The following PAH variants were observed in gnomAD, a reference collection of about 807,000 sequenced individuals.
The protein encoded by PAH is phenylalanine-4-hydroxylase.
In PAH, 64 loss-of-function variants were observed where a neutral mutation model predicts 62.0. The ratio of observed to expected loss-of-function variants is 1.03; its 90% CI spans 0.84 to 1.27. PAH has a LOEUF of 1.27. Ranked by LOEUF, PAH falls within the 50% of genes most tolerant of loss-of-function variation. The pLI is 0.00. For synonymous variants in PAH, 195 were observed against 196.2 expected, an observed-to-expected ratio of 0.99 and a Z score of 0.05; for missense variants, 579 against 542.8, an observed-to-expected ratio of 1.07 and a Z score of -0.66.
At chr12:102,948,759 A>T (rs1345630860) in intron 1 of PAH, among the ~76,000 whole-genome samples, 1 of 152,224 alleles carries the variant, frequency 6.6e-6, no homozygotes, top group Non-Finnish European at 1.5e-5. Context: ...TATCTTTAGT[A>T]TACAAAAGGA....
At chr12:102,913,003 A>T (rs1592989009) in intron 1 of PAH, 105 bp from the exon 2 acceptor site, 2 of 756,596 alleles carry the variant, frequency 2.6e-6, no homozygotes, top group East Asian at 5.2e-5. Context: ...CTTCTAGTTA[A>T]ATCTTGCAAT....
intron 3 of PAH, among the ~76,000 whole-genome samples, chr12:102,880,875 A>G (rs1876785737): frequency 6.6e-6 from 1 of 152,022 alleles, no homozygotes. Context: ...TTTTTAAAAA[A>G]TTCCATCTTT....
chr12:102,851,267 G>A (rs1350581788), intron 8 of PAH, among the ~76,000 whole-genome samples: 1 of 151,972 alleles, frequency 6.6e-6, no homozygotes, highest in Non-Finnish European at 1.5e-5. Flanking sequence ...TGGATTCTTG[G>A]CAAATGTCAC....
At chr12:102,890,321 T>C (rs1366569024) in intron 3 of PAH, among the ~76,000 whole-genome samples, 2 of 152,190 alleles carry the variant, frequency 1.3e-5, no homozygotes, top group Admixed American at 6.5e-5. Flanking sequence ...GGTTCAGATC[T>C]ACTACAATGC....
intron 1 of PAH, among the ~76,000 whole-genome samples, chr12:102,941,603 G>T (rs1449601821): frequency 1.3e-5 from 2 of 152,032 alleles, no homozygotes; most frequent in Non-Finnish European, 2.9e-5. Flanking sequence ...CAACCAGAAG[G>T]CTTAACTATC....
At chr12:102,861,472 C>T (rs1364179626) in intron 5 of PAH, among the ~76,000 whole-genome samples, 1 of 152,152 alleles carries the variant, frequency 6.6e-6, no homozygotes, top group Non-Finnish European at 1.5e-5. Flanking sequence ...ACAGCCATCC[C>T]ATTACTGGGT....
At chr12:102,932,087 T>A (rs780783940) in intron 1 of PAH, among the ~76,000 whole-genome samples, 2 of 152,138 alleles carry the variant, frequency 1.3e-5, no homozygotes, top group Non-Finnish European at 2.9e-5. Flanking sequence ...CCAATCCCCC[T>A]TCCATTCCTT....
intron 3 of PAH, among the ~76,000 whole-genome samples, chr12:102,883,110 G>T (rs191810573): frequency 6.6e-6 from 1 of 152,200 alleles, no homozygotes; most frequent in African/African-American, 2.4e-5. Flanking sequence ...TAGATTTATC[G>T]GCGCAGCAAA....
chr12:102,859,452 G>A (rs1875609016), intron 5 of PAH, among the ~76,000 whole-genome samples: 1 of 152,170 alleles, frequency 6.6e-6, no homozygotes, highest in Admixed American at 6.5e-5. Flanking sequence ...GAAAAAGAGG[G>A]AATCCTCCCT....
intron 3 of PAH, among the ~76,000 whole-genome samples, chr12:102,881,824 G>A (rs1255822329): frequency 1.3e-5 from 2 of 152,144 alleles, no homozygotes; most frequent in East Asian, 3.8e-4. Flanking sequence ...TCCATTGTGT[G>A]TGTGTCAGGA....
chr12:102,895,970 C>T (rs1015124184), intron 2 of PAH, among the ~76,000 whole-genome samples: 2 of 151,504 alleles, frequency 1.3e-5, no homozygotes, highest in Non-Finnish European at 2.9e-5. Context: ...AATCATCCTT[C>T]TAGCGGCTTG....
intron 4 of PAH, among the ~76,000 whole-genome samples, chr12:102,867,365 G>A (rs1301963050): frequency 6.6e-6 from 1 of 152,166 alleles, no homozygotes; most frequent in Non-Finnish European, 1.5e-5. Flanking sequence ...TGATAATGGA[G>A]TCTCCTCTGA....
upstream of PAH, among the ~76,000 whole-genome samples, chr12:102,951,210 A>G (rs576303549): frequency 1.3e-5 from 2 of 152,146 alleles, no homozygotes; most frequent in Non-Finnish European, 2.9e-5. Context: ...GGCGGATTGC[A>G]ACCCCACCCC....
chr12:102,840,834 C>T (rs1045337209), intron 11 of PAH, among the ~76,000 whole-genome samples: 3 of 151,960 alleles, frequency 2.0e-5, no homozygotes, highest in Admixed American at 2.0e-4. Flanking sequence ...TAAATAAAAT[C>T]AAGAGTAAGT....
At chr12:102,843,067 A>C (rs1874659555) in intron 11 of PAH, among the ~76,000 whole-genome samples, 2 of 152,122 alleles carry the variant, frequency 1.3e-5, no homozygotes, top group Admixed American at 1.3e-4. Flanking sequence ...TTCACCAATT[A>C]TTTATTGAGT....
chr12:102,881,634 C>T (rs969795070), intron 3 of PAH, among the ~76,000 whole-genome samples: 1 of 152,200 alleles, frequency 6.6e-6, no homozygotes, highest in Non-Finnish European at 1.5e-5. Context: ...ACCCTACCCC[C>T]TGGCAACCAC....
At chr12:102,917,603 G>T, upstream of PAH, 2 of 223,814 alleles carry the variant, frequency 8.9e-6, no homozygotes, top group Non-Finnish European at 9.0e-6. Context: ...ACCCCCAGCT[G>T]AAACAGTCAG....
At chr12:102,877,261 C>T in intron 4 of PAH, 3 of 628,028 alleles carry the variant, frequency 4.8e-6, no homozygotes, top group South Asian at 3.6e-5. Context: ...TATATTTGCT[C>T]CTACAAAAAT....
chr12:102,934,230 A>G (rs1879016721), intron 1 of PAH, among the ~76,000 whole-genome samples: 1 of 151,948 alleles, frequency 6.6e-6, no homozygotes, highest in Non-Finnish European at 1.5e-5. Flanking sequence ...AAACGAGTTC[A>G]CTGTAGATGT....
Sources: gnomAD v4.1 joint callset for allele counts (sites outside exome capture counted in the v4.1 genomes callset) on GRCh38, gnomAD v4.1.1 for gene constraint, MANE v1.5 for transcripts, NCBI Gene and HGNC (gene_info 2026-07-23, HGNC 2026-07-21) for gene names.